Variants in BPTF observed in about 807,000 individuals in gnomAD.
BPTF encodes bromodomain PHD finger transcription factor.
In BPTF, 18 loss-of-function variants were observed where a neutral mutation model predicts 292.5. That is an observed-to-expected ratio of 0.06 (90% CI 0.04 to 0.09). The LOEUF is 0.09. Among genes scored for constraint, BPTF ranks in the 10% least tolerant of loss-of-function variants. The probability of loss-of-function intolerance (pLI) is 1.00; values close to 1 mark genes in which losing one functional copy is unlikely to be tolerated. For missense variants in BPTF, 2,726 were observed against 3,498.7 expected, an observed-to-expected ratio of 0.78 and a Z score of 5.57; for synonymous variants, 1,225 against 1,251.9, an observed-to-expected ratio of 0.98 and a Z score of 0.45.
chr17:67,883,001 TAAAAAAAAAAAA>T (rs886889170), intron 4 of BPTF, among the ~76,000 whole-genome samples: 16 of 94,678 alleles, frequency 1.7e-4, no homozygotes, highest in African/African-American at 5.7e-4. Flanking sequence ...AGACGTTGTC[TAAAAAAAAAAAA>T]AAAAAAAGAA....
At chr17:67,918,215 C>T (rs1240259807) in intron 11 of BPTF, among the ~76,000 whole-genome samples, 1 of 152,194 alleles carries the variant, frequency 6.6e-6, no homozygotes, top group African/African-American at 2.4e-5. Context: ...GGATTACAGG[C>T]GTGAGCCACC....
intron 17 of BPTF, 23 bp from the exon 18 acceptor site, chr17:67,931,888 A>G (rs1166990082): frequency 6.4e-7 from 1 of 1,560,686 alleles, no homozygotes; most frequent in African/African-American, 1.4e-5. Context: ...ATTTTAATTC[A>G]TTGTTCTTTG....
intron 4 of BPTF, among the ~76,000 whole-genome samples, chr17:67,888,360 G>A (rs370170805): frequency 6.7e-4 from 102 of 151,986 alleles, no homozygotes; most frequent in Middle Eastern, 3.4e-3. Flanking sequence ...AGGCCAAGGC[G>A]GGCGGATCAC....
chr17:67,840,259 C>T (rs143922002), intron 1 of BPTF, among the ~76,000 whole-genome samples: 2 of 152,048 alleles, frequency 1.3e-5, no homozygotes, highest in Non-Finnish European at 2.9e-5. Context: ...TGCGCACCTC[C>T]ACAGTTGGCT....
chr17:67,909,863 A>G (rs2062533386), intron 10 of BPTF, 102 bp downstream of exon 10: 1 of 974,344 alleles, frequency 1.0e-6, no homozygotes, highest in Non-Finnish European at 1.4e-6. Context: ...TCTTGATAAC[A>G]GCTTTATCAA....
intron 23 of BPTF, among the ~76,000 whole-genome samples, chr17:67,954,131 TACGGGC>T (rs1239571748): frequency 1.0e-4 from 1 of 9,592 alleles, no homozygotes; most frequent in East Asian, 0.083. Context: ...GGACTACGGG[TACGGGC>T]GAATGCCATG....
At chr17:67,829,353 T>A (rs971744248) in intron 1 of BPTF, among the ~76,000 whole-genome samples, 3 of 151,860 alleles carry the variant, frequency 2.0e-5, no homozygotes, top group South Asian at 2.1e-4. Flanking sequence ...TTTCCTTATC[T>A]CTTCTAAAAA....
intron 4 of BPTF, among the ~76,000 whole-genome samples, chr17:67,880,398 T>A (rs1032048814): frequency 6.6e-6 from 1 of 152,214 alleles, no homozygotes; most frequent in Non-Finnish European, 1.5e-5. Context: ...TTTGTTTTTT[T>A]ATGACGTCTA....
intron 7 of BPTF, among the ~76,000 whole-genome samples, chr17:67,902,233 T>C (rs1396492071): frequency 2.0e-5 from 3 of 152,054 alleles, no homozygotes; most frequent in Non-Finnish European, 4.4e-5. Context: ...GCTCCTAGGG[T>C]GTCACTGCGC....
intron 16 of BPTF, among the ~76,000 whole-genome samples, 163 bp downstream of exon 16, chr17:67,928,764 A>G (rs1350687432): frequency 1.3e-5 from 2 of 152,222 alleles, no homozygotes; most frequent in Non-Finnish European, 2.9e-5. Flanking sequence ...AATGTTCATA[A>G]TATTACATTA....
intron 4 of BPTF, among the ~76,000 whole-genome samples, chr17:67,882,396 A>G (rs933343836): frequency 6.6e-6 from 1 of 152,204 alleles, no homozygotes; most frequent in African/African-American, 2.4e-5. Context: ...TTTCAGATTC[A>G]GATTGCAGAT....
intron 7 of BPTF, among the ~76,000 whole-genome samples, chr17:67,903,150 T>C (rs1158530274): frequency 1.3e-5 from 2 of 152,246 alleles, no homozygotes; most frequent in African/African-American, 2.4e-5. Flanking sequence ...CATGGGCCCC[T>C]TTCTCTGCGG....
intron 3 of BPTF, among the ~76,000 whole-genome samples, chr17:67,874,140 A>G (rs555848928): frequency 2.6e-5 from 4 of 152,308 alleles, no homozygotes; most frequent in African/African-American, 9.6e-5. Flanking sequence ...AAAGAATATA[A>G]TTAATATCCA....
chr17:67,843,209 T>TATATATCTAC (rs1241779305), intron 1 of BPTF, among the ~76,000 whole-genome samples: 7 of 126,890 alleles, frequency 5.5e-5, no homozygotes, highest in Admixed American at 1.7e-4. Flanking sequence ...TACATGTAGA[T>TATATATCTAC]GTATGTAGAT....
At chr17:67,954,682 T>C (rs1555680128) in intron 23 of BPTF, among the ~76,000 whole-genome samples, 1 of 152,236 alleles carries the variant, frequency 6.6e-6, no homozygotes. Context: ...TCAGTTTCTC[T>C]TTTTTATATT....
At chr17:67,853,348 C>T (rs534782897) in intron 1 of BPTF, among the ~76,000 whole-genome samples, 21 of 152,268 alleles carry the variant, frequency 1.4e-4, no homozygotes, top group African/African-American at 5.1e-4. Context: ...TCTCTTTTCT[C>T]CTCCTCTGCA....
chr17:67,910,575 G>A (rs1036531546), intron 10 of BPTF, among the ~76,000 whole-genome samples: 8 of 152,096 alleles, frequency 5.3e-5, no homozygotes, highest in South Asian at 4.1e-4. Flanking sequence ...TGAGGTGGGC[G>A]GATCACCTGA....
At position 67,983,362 on chromosome 17, in the gene BPTF, T is replaced by A. The variant is rs1460626511; in HGVS notation, c.*1074T>A. 2 of 152,664 alleles carry A rather than the reference T, an allele frequency of 1.3e-5. No homozygotes were observed. Among genetic ancestry groups the A allele is most frequent in the African/African-American group, 4.8e-5 (2 of 41,466 alleles). 9.5% of individuals were successfully genotyped at this position (152,664 alleles called of 1,614,324 possible). A position where few individuals can be genotyped will look rare whatever the true frequency, so the allele number is the denominator to read the frequency against. On this transcript the variant is annotated 3_prime_UTR_variant, in exon 28 of 28. Transcript: ENST00000306378. Reference sequence around the variant, plus strand: ...CTAATCCTGTTGCATCAGTTGATCATACTAACGAGAACGGTAATGCGACAA... The same window carrying A: ...CTAATCCTGTTGCATCAGTTGATCAAACTAACGAGAACGGTAATGCGACAA...
chr17:67,882,890 C>A (rs972657089), intron 4 of BPTF, among the ~76,000 whole-genome samples: 4 of 151,400 alleles, frequency 2.6e-5, no homozygotes, highest in African/African-American at 7.3e-5. Context: ...CCTAGCTACT[C>A]AGGAGGCTGA....
Sources: gnomAD v4.1 joint callset for allele counts (sites outside exome capture counted in the v4.1 genomes callset) on GRCh38, gnomAD v4.1.1 for gene constraint, MANE v1.5 for transcripts, NCBI Gene and HGNC (gene_info 2026-07-23, HGNC 2026-07-21) for gene names.